RPTOR: variants seen among roughly 807,000 people sequenced by gnomAD.
The protein encoded by RPTOR is regulatory-associated protein of mTOR.
A neutral mutation model predicts 169.9 loss-of-function variants in RPTOR; 21 were observed. The ratio of observed to expected loss-of-function variants is 0.12; its 90% CI spans 0.09 to 0.18. RPTOR has a LOEUF of 0.18. Ranked by LOEUF, RPTOR falls within the 10% of genes least tolerant of loss-of-function variation. The pLI is 1.00. For missense variants in RPTOR, 1,133 were observed against 1,855.9 expected (o/e 0.61, Z 7.16); for synonymous variants, 732 against 753.2 (o/e 0.97, Z 0.46).
At chr17:80,827,673 G>A (rs992129215) in intron 9 of RPTOR, among the ~76,000 whole-genome samples, 14 of 152,316 alleles carry the variant, frequency 9.2e-5, no homozygotes, top group African/African-American at 3.4e-4. Flanking sequence ...CTGTGCTGGG[G>A]TTTGGAGAGG....
intron 5 of RPTOR, among the ~76,000 whole-genome samples, chr17:80,744,341 A>T (rs377692068): frequency 4.0e-5 from 4 of 100,070 alleles, no homozygotes; most frequent in South Asian, 3.1e-4. Flanking sequence ...CTACTAGCAC[A>T]GCCCTGGCTA....
Position 80,803,347 on chromosome 17 carries a change from CCT to C in RPTOR, c.890+11839_890+11840del, listed in dbSNP as rs989303517. On this transcript the variant is annotated intron_variant, in intron 7 of 33. Transcript: ENST00000306801. This position sits in a 1 kb window ranked among gnomAD's most constrained non-coding sequence, Gnocchi z 6.2. ...GTCACAGAGAGTCACACGAGGGTCCCCTGTCGGTGGCGGAGCCTGTGTCCGCC... is the reference window on the plus strand; with the variant it reads ...GTCACAGAGAGTCACACGAGGGTCCCGTCGGTGGCGGAGCCTGTGTCCGCC... 1 of 152,464 alleles carries C rather than the reference CCT, an allele frequency of 6.6e-6. No homozygotes were observed. The highest frequency in any genetic ancestry group is 2.4e-5 in the African/African-American group (1 of 41,438). The allele number at this position is 152,464 out of a possible 1,614,324, so 9.4% of individuals were successfully genotyped here.
chr17:80,644,993 C>T (rs1172173334), intron 3 of RPTOR, among the ~76,000 whole-genome samples: 2 of 152,142 alleles, frequency 1.3e-5, no homozygotes, highest in Non-Finnish European at 2.9e-5. Context: ...TTTTTCCTCT[C>T]TTAAATTGGT....
intron 1 of RPTOR, among the ~76,000 whole-genome samples, chr17:80,596,389 G>A (rs2065145002): frequency 6.6e-6 from 1 of 151,890 alleles, no homozygotes; most frequent in South Asian, 2.1e-4. Flanking sequence ...TCCCCTAATC[G>A]TTCAAAGGAT....
At chr17:80,670,685 C>T (rs887335556) in intron 3 of RPTOR, among the ~76,000 whole-genome samples, 1 of 152,176 alleles carries the variant, frequency 6.6e-6, no homozygotes, top group Non-Finnish European at 1.5e-5. Context: ...AGTCCACACA[C>T]GCATTCAGCT....
intron 6 of RPTOR, among the ~76,000 whole-genome samples, chr17:80,762,443 A>G (rs1380914339): frequency 6.6e-6 from 1 of 152,132 alleles, no homozygotes; most frequent in Non-Finnish European, 1.5e-5. Context: ...GGCTGAGGGC[A>G]CTCGGCTCTC....
In RPTOR at chr17:80,695,103, C is replaced by A. The variant is rs1567861821; in HGVS notation, c.349-12738C>A. 6.6e-6 allele frequency among the ~76,000 whole-genome samples: 1 copy of A among 152,182 alleles called. No individual in the cohort carries two copies. Among genetic ancestry groups the A allele is most frequent in the South Asian group, 2.1e-4 (1 of 4,832 alleles). Reference sequence around the variant, plus strand: ...GCCCCGTGAGGGTTACTGAACCTCTCTGTGCCCAGCCTCCTGTTTGTGAGG... The same window carrying A: ...GCCCCGTGAGGGTTACTGAACCTCTATGTGCCCAGCCTCCTGTTTGTGAGG... On this transcript the variant is annotated intron_variant, in intron 3 of 33. Coordinates refer to ENST00000306801, the MANE Select transcript of RPTOR (RefSeq NM_020761.3). The surrounding 1 kb of genome is among the most constrained non-coding windows in gnomAD (Gnocchi z 4.9).
intron 6 of RPTOR, among the ~76,000 whole-genome samples, chr17:80,772,386 C>T (rs7216295): frequency 0.27 from 41,052 of 151,288 alleles, 5,713 homozygotes; most frequent in African/African-American, 0.33. Flanking sequence ...GACCCCAGTC[C>T]AGCAGGGACC....
At chr17:80,796,669 C>G (rs118077236) in intron 7 of RPTOR, among the ~76,000 whole-genome samples, 1 of 152,182 alleles carries the variant, frequency 6.6e-6, no homozygotes, top group African/African-American at 2.4e-5. Flanking sequence ...GTCGCTGTAG[C>G]CACCTCAGTC....
In RPTOR at chr17:80,839,482, C is replaced by T. The variant is rs74004009; in HGVS notation, c.1212+1485C>T. Among the ~76,000 whole-genome samples, 345 of 152,312 alleles carry T rather than the reference C, an allele frequency of 2.3e-3. 1 individual carries two copies. The highest frequency in any genetic ancestry group is 8.1e-3 in the African/African-American group (337 of 41,560). On this transcript the variant is annotated intron_variant, in intron 10 of 33. Transcript: ENST00000306801. ...CCGCCCCGCATTTTACACCGTGAGG[C>T]GGAAGCCAGCTCCCCGTCATGTGCT...
chr17:80,925,599 G>A, intron 24 of RPTOR, 119 bp downstream of exon 24: 1 of 779,206 alleles, frequency 1.3e-6, no homozygotes, highest in South Asian at 1.6e-5. Flanking sequence ...GGTCGTGGTA[G>A]TGATGGTCAC....
rs974455642 is a variant in RPTOR at position 80,616,861 on chromosome 17, C to T, written c.163-8830C>T. Among the ~76,000 whole-genome samples, 9 of 152,254 alleles carry T rather than the reference C, an allele frequency of 5.9e-5. No individual in the cohort carries two copies. In the East Asian group the frequency reaches 1.5e-3, roughly 26 times the overall value. ...AGAGTTCCCAGGAGTAAGTGAAACA[C>T]GACTCGATCTCTTAAGTGTGCCCAA... On this transcript the variant is annotated intron_variant, in intron 1 of 33. Coordinates refer to ENST00000306801, the MANE Select transcript of RPTOR (RefSeq NM_020761.3).
chr17:80,608,829 C>T (rs530588265), intron 1 of RPTOR, among the ~76,000 whole-genome samples: 2 of 152,200 alleles, frequency 1.3e-5, no homozygotes, highest in African/African-American at 4.8e-5. Context: ...TGGGCAGATG[C>T]GGGAACAGGT....
chr17:80,777,705 C>A (rs539015621), intron 6 of RPTOR, among the ~76,000 whole-genome samples: 11 of 152,364 alleles, frequency 7.2e-5, no homozygotes, highest in African/African-American at 2.6e-4. Flanking sequence ...GACGCCTGCG[C>A]CGACTCCAGC....
At chr17:80,560,944 C>T (rs1333713727) in intron 1 of RPTOR, among the ~76,000 whole-genome samples, 1 of 152,174 alleles carries the variant, frequency 6.6e-6, no homozygotes, top group East Asian at 1.9e-4. Flanking sequence ...ACTGAGAGAT[C>T]TGTGAGCCGG....
At chr17:80,800,973 C>T (rs925235596) in intron 7 of RPTOR, among the ~76,000 whole-genome samples, 39 of 152,358 alleles carry the variant, frequency 2.6e-4, no homozygotes, top group African/African-American at 9.4e-4. Flanking sequence ...TCTGGTAGCA[C>T]GGCTGCCCCG....
At chr17:80,566,586 C>T (rs979493257) in intron 1 of RPTOR, among the ~76,000 whole-genome samples, 8 of 151,602 alleles carry the variant, frequency 5.3e-5, no homozygotes, top group African/African-American at 1.9e-4. Context: ...TTAGGGAGGC[C>T]GAGGCAGGCG....
In RPTOR at chr17:80,634,588, CTGTG is replaced by C. The variant is rs1352512288; in HGVS notation, c.265+8802_265+8805del. ...TGTGCATACTGTGTGTGTGTGCGTA[CTGTG>C]TGTGTGCGTACTGTGTGTGTACTGT... is the stretch of plus-strand genomic sequence containing the variant. On this transcript the variant is annotated intron_variant, in intron 2 of 33. Transcript: ENST00000306801. Among the ~76,000 whole-genome samples, 155 of 28,120 alleles carry C rather than the reference CTGTG, an allele frequency of 5.5e-3. 10 individuals carry two copies. The highest frequency in any genetic ancestry group is 0.025 in the African/African-American group (140 of 5,610). The allele number at this position is 28,120 out of a possible 152,430, so 18.4% of individuals were successfully genotyped here.
At chr17:80,773,996 A>T (rs1290807459) in intron 6 of RPTOR, 15 of 985,300 alleles carry the variant, frequency 1.5e-5, no homozygotes, top group Non-Finnish European at 1.8e-5. Flanking sequence ...GGCTGTCAGA[A>T]AGGACGAGGC....
Sources: gnomAD v4.1 joint callset for allele counts (sites outside exome capture counted in the v4.1 genomes callset) on GRCh38, gnomAD v4.1.1 for gene constraint, Gnocchi (gnomAD v3.1) non-coding constraint, MANE v1.5 for transcripts, NCBI Gene and HGNC (gene_info 2026-07-23, HGNC 2026-07-21) for gene names.